The following GABRR1 variants were observed in gnomAD, a reference collection of about 807,000 sequenced individuals.
GABRR1 encodes gamma-aminobutyric acid receptor subunit rho-1.
A neutral mutation model predicts 55.5 loss-of-function variants in GABRR1; 59 were observed. That is an observed-to-expected ratio of 1.06 (90% CI 0.86 to 1.32). GABRR1 has a LOEUF of 1.32. Ranked by LOEUF, GABRR1 falls within the 40% of genes most tolerant of loss-of-function variation. GABRR1 has a pLI of 0.00. For synonymous variants in GABRR1, 213 were observed against 226.0 expected, an observed-to-expected ratio of 0.94 and a Z score of 0.51; for missense variants, 602 against 619.1, an observed-to-expected ratio of 0.97 and a Z score of 0.29.
At chr6:89,208,089 G>A (rs1360493266) in intron 1 of GABRR1, among the ~76,000 whole-genome samples, 1 of 152,214 alleles carries the variant, frequency 6.6e-6, no homozygotes, top group Non-Finnish European at 1.5e-5. Flanking sequence ...TAGTCCTGTT[G>A]GCTGAAGGCG....
chr6:89,210,975 A>C (rs924562377), intron 1 of GABRR1, among the ~76,000 whole-genome samples: 1 of 152,052 alleles, frequency 6.6e-6, no homozygotes, highest in African/African-American at 2.4e-5. Context: ...ACCTCTGCTA[A>C]ATATTGGAGG....
intron 1 of GABRR1, among the ~76,000 whole-genome samples, chr6:89,210,881 G>A (rs888688947): frequency 6.6e-5 from 10 of 151,454 alleles, no homozygotes; most frequent in South Asian, 2.1e-4. Flanking sequence ...GAGAGCTGCA[G>A]AAGCTCAGAA....
At chr6:89,228,855 A>G (rs1773237466) in intron 1 of GABRR1, among the ~76,000 whole-genome samples, 2 of 152,010 alleles carry the variant, frequency 1.3e-5, no homozygotes, top group Non-Finnish European at 2.9e-5. Flanking sequence ...TAATGTTGAC[A>G]GTGGGGTGTT....
rs1385988106 is a variant in GABRR1, at chr6:89,199,445, G to C, written c.281-16C>G. The C allele has an allele frequency of 6.2e-7, 1 of 1,612,786 alleles. No homozygotes were observed. Among genetic ancestry groups the C allele is most frequent in the African/African-American group, 1.3e-5 (1 of 74,898 alleles). The stretch of plus-strand genomic sequence containing the variant: ...ATGGCAGGGCCTGGGGACAGAGCAT[G>C]GCAAGAGCATTCACTGTTTTTACTT... On this transcript the variant is annotated splice_polypyrimidine_tract_variant and intron_variant, in intron 3 of 9. Transcript: ENST00000454853.
upstream of GABRR1, among the ~76,000 whole-genome samples, chr6:89,219,181 G>A (rs1373073956): frequency 4.6e-5 from 7 of 152,220 alleles, no homozygotes; most frequent in Middle Eastern, 0.01. Context: ...CAGGAGAATC[G>A]CTTGAACCTG....
At chr6:89,223,611 C>T (rs1200614794) in intron 1 of GABRR1, among the ~76,000 whole-genome samples, 1 of 152,054 alleles carries the variant, frequency 6.6e-6, no homozygotes, top group Non-Finnish European at 1.5e-5. Context: ...TTTTAGTTCT[C>T]TAAGGAATCT....
At chr6:89,230,957 G>A (rs1196575093) in intron 1 of GABRR1, among the ~76,000 whole-genome samples, 2 of 151,758 alleles carry the variant, frequency 1.3e-5, no homozygotes, top group Non-Finnish European at 2.9e-5. Flanking sequence ...GTGGGATATA[G>A]TCTCGTGGTG....
upstream of GABRR1, among the ~76,000 whole-genome samples, chr6:89,220,255 C>G (rs1346628992): frequency 6.6e-6 from 1 of 152,174 alleles, no homozygotes; most frequent in African/African-American, 2.4e-5. Context: ...AACCGGAAGG[C>G]CTCAAACACG....
At chr6:89,185,663 G>A (rs1771881274) in intron 6 of GABRR1, among the ~76,000 whole-genome samples, 1 of 152,202 alleles carries the variant, frequency 6.6e-6, no homozygotes, top group African/African-American at 2.4e-5. Flanking sequence ...TCAGAGCAAA[G>A]TTCTCAAGCC....
chr6:89,182,324 A>G (rs1259124870), intron 7 of GABRR1, among the ~76,000 whole-genome samples: 1 of 152,166 alleles, frequency 6.6e-6, no homozygotes, highest in Non-Finnish European at 1.5e-5. Context: ...TTTTCTTAAG[A>G]CAGTGTATCA....
chr6:89,183,711 A>G (rs1170429403), intron 7 of GABRR1, among the ~76,000 whole-genome samples: 1 of 152,068 alleles, frequency 6.6e-6, no homozygotes, highest in African/African-American at 2.4e-5. Flanking sequence ...TGTCTTTTGC[A>G]GTAACTCGGA....
intron 7 of GABRR1, among the ~76,000 whole-genome samples, chr6:89,182,740 G>T (rs1057101880): frequency 6.6e-6 from 1 of 151,974 alleles, no homozygotes; most frequent in African/African-American, 2.4e-5. Flanking sequence ...AGCTGGGCGC[G>T]GTGGCTCATG....
rs1562290487 is a variant in GABRR1, at chr6:89,190,202, G to C, written c.618C>G (p.Pro206=). ...AMCNMDFSRF[P]LDTQTCSLEI... ...CAAGAGAGCACGTTTGTGTGTCCAA[G>C]GGAAATCGGCTGAAGTCCATGTTGC... Residue 206 remains proline (P), a synonymous_variant, in exon 6 of 10, where the codon CCC becomes CCG. Transcript: ENST00000454853. 6.2e-7 allele frequency: 1 copy of C among 1,611,840 alleles called. No individual in the cohort carries two copies.
intron 1 of GABRR1, among the ~76,000 whole-genome samples, chr6:89,223,762 T>G (rs1268704352): frequency 6.6e-6 from 1 of 151,122 alleles, no homozygotes; most frequent in Non-Finnish European, 1.5e-5. Flanking sequence ...GGTATTGCAT[T>G]GTGGGTTTTT....
intron 1 of GABRR1, among the ~76,000 whole-genome samples, chr6:89,222,502 C>G (rs1366556651): frequency 2.0e-5 from 3 of 152,174 alleles, no homozygotes; most frequent in Admixed American, 6.5e-5. Context: ...TAAGTCCTGT[C>G]GGGAAGGCTG....
At chr6:89,203,550 C>A in intron 1 of GABRR1, 65 bp from the exon 2 acceptor site, 1 of 1,151,612 alleles carries the variant, frequency 8.7e-7, no homozygotes, top group South Asian at 1.2e-5. Flanking sequence ...CAACCAAGCA[C>A]CCCTCTCCCT....
rs754815378 is a variant in GABRR1, at chr6:89,198,254, A to T, written c.349-11T>A. The T allele has an allele frequency of 3.1e-6, 5 of 1,598,302 alleles. No homozygotes were observed. The highest frequency in any genetic ancestry group is 4.3e-6 in the Non-Finnish European group (5 of 1,165,818). The stretch of plus-strand genomic sequence containing the variant: ...GGTCATCGTAAAGTCCTGGGAGCAG[A>T]AGGGCAGAGAGGGAACCCCAGACAC... On this transcript the variant is annotated splice_polypyrimidine_tract_variant and intron_variant, in intron 4 of 9. Coordinates refer to ENST00000454853, the MANE Select transcript of GABRR1 (RefSeq NM_002042.5).
chr6:89,222,577 C>A (rs1036730276), intron 1 of GABRR1, among the ~76,000 whole-genome samples: 2 of 152,236 alleles, frequency 1.3e-5, no homozygotes, highest in Non-Finnish European at 2.9e-5. Context: ...TAATTCAGGT[C>A]AGATTCCTTG....
At chr6:89,212,717 G>A (rs1485814928) in intron 1 of GABRR1, among the ~76,000 whole-genome samples, 1 of 152,066 alleles carries the variant, frequency 6.6e-6, no homozygotes. Flanking sequence ...GGCCCAGGCT[G>A]AAGTGCAGTG....
Sources: gnomAD v4.1 joint callset for allele counts (sites outside exome capture counted in the v4.1 genomes callset) on GRCh38, gnomAD v4.1.1 for gene constraint, MANE v1.5 for transcripts, NCBI Gene and HGNC (gene_info 2026-07-23, HGNC 2026-07-21) for gene names.